The following ADCK1 variants were observed in gnomAD, a reference collection of about 807,000 sequenced individuals.
ADCK1 encodes aarF domain containing kinase 1, also known as aarF domain-containing protein kinase 1.
Under a neutral mutation model 52.3 loss-of-function variants are expected in ADCK1, and 41 were observed. The observed-to-expected ratio is 0.78, with a 90% CI of 0.61 to 1.02. ADCK1 has a LOEUF of 1.02. Ranked by LOEUF, ADCK1 falls within the 50% of genes least tolerant of loss-of-function variation. The pLI is 0.00. For synonymous variants in ADCK1, 250 were observed against 274.6 expected (o/e 0.91, Z 0.89); for missense variants, 658 against 679.5 (o/e 0.97, Z 0.35).
chr14:77,816,359 A>C (rs72688836), intron 1 of ADCK1, among the ~76,000 whole-genome samples: 12,330 of 152,208 alleles, frequency 0.081, 561 homozygotes, highest in Middle Eastern at 0.12. Flanking sequence ...TAGGAATCAG[A>C]ATCTCTTTCC....
At chr14:77,817,584 C>T (rs1366474150) in intron 1 of ADCK1, among the ~76,000 whole-genome samples, 1 of 152,202 alleles carries the variant, frequency 6.6e-6, no homozygotes, top group Non-Finnish European at 1.5e-5. Flanking sequence ...GGAAAGGTCA[C>T]ATTGACCAGG....
chr14:77,816,449 G>A (rs2081453213), intron 1 of ADCK1, among the ~76,000 whole-genome samples: 1 of 151,162 alleles, frequency 6.6e-6, no homozygotes, highest in Non-Finnish European at 1.5e-5. Flanking sequence ...CCTCCCTAGA[G>A]TAGGTTCTGC....
chr14:77,883,213 G>GA (rs556375586), intron 4 of ADCK1, among the ~76,000 whole-genome samples: 1 of 151,984 alleles, frequency 6.6e-6, no homozygotes, highest in African/African-American at 2.4e-5. Flanking sequence ...CAGAGCGGGG[G>GA]AAAAAAAGAA....
intron 4 of ADCK1, among the ~76,000 whole-genome samples, chr14:77,884,515 C>T (rs2083104708): frequency 6.6e-6 from 1 of 152,138 alleles, no homozygotes; most frequent in East Asian, 1.9e-4. Context: ...CTGCTGGGGC[C>T]TGAGAACACT....
intron 1 of ADCK1, among the ~76,000 whole-genome samples, chr14:77,801,859 T>A (rs2081117129): frequency 6.6e-6 from 1 of 152,048 alleles, no homozygotes. Flanking sequence ...GAGAACAGCT[T>A]GAACCCGGGA....
At chr14:77,889,904 A>AAG (rs1555356181) in intron 5 of ADCK1, among the ~76,000 whole-genome samples, 3 of 148,706 alleles carry the variant, frequency 2.0e-5, no homozygotes, top group Non-Finnish European at 4.5e-5. Context: ...AAAAAAAAAA[A>AAG]CAGAAGAAGA....
chr14:77,800,638 C>G (rs1485518796), intron 1 of ADCK1, among the ~76,000 whole-genome samples: 2 of 152,242 alleles, frequency 1.3e-5, no homozygotes, highest in Non-Finnish European at 2.9e-5. Context: ...CCCGGTCTTG[C>G]GAACGTGCCC....
chr14:77,879,032 T>C (rs2082961872), intron 4 of ADCK1, among the ~76,000 whole-genome samples: 1 of 152,018 alleles, frequency 6.6e-6, no homozygotes, highest in Non-Finnish European at 1.5e-5. Flanking sequence ...AACATTTCCG[T>C]AGAGTCCCTT....
At chr14:77,931,485 C>G (rs1409911988) in intron 9 of ADCK1, 33 bp from the exon 10 acceptor site, 1 of 1,600,472 alleles carries the variant, frequency 6.2e-7, no homozygotes, top group Non-Finnish European at 8.5e-7. Flanking sequence ...CCCATACCAA[C>G]CATCTGTTTC....
chr14:77,814,904 T>G (rs2140016372), intron 1 of ADCK1, among the ~76,000 whole-genome samples: 1 of 151,236 alleles, frequency 6.6e-6, no homozygotes, highest in Non-Finnish European at 1.5e-5. Flanking sequence ...AATTTTTTTT[T>G]TTTTGAGAAG....
intron 3 of ADCK1, among the ~76,000 whole-genome samples, chr14:77,826,100 A>G (rs934374999): frequency 6.6e-6 from 1 of 152,200 alleles, no homozygotes; most frequent in Non-Finnish European, 1.5e-5. Flanking sequence ...GCAGTAAGGA[A>G]AGTGCAGCCT....
intron 6 of ADCK1, among the ~76,000 whole-genome samples, chr14:77,905,670 A>G (rs2140252767): frequency 2.0e-5 from 3 of 151,582 alleles, no homozygotes; most frequent in Middle Eastern, 6.8e-3. Flanking sequence ...AACAACAGGC[A>G]GGGCACGGTG....
chr14:77,821,899 A>C (rs570570481), intron 2 of ADCK1, among the ~76,000 whole-genome samples: 63 of 151,516 alleles, frequency 4.2e-4, no homozygotes, highest in African/African-American at 1.5e-3. Flanking sequence ...CAGAAAAAAA[A>C]AAAAAAAAAA....
intron 1 of ADCK1, 137 bp from the exon 2 acceptor site, chr14:77,818,831 C>G (rs544716207): frequency 9.9e-7 from 1 of 1,005,854 alleles, no homozygotes; most frequent in Non-Finnish European, 1.4e-6. Flanking sequence ...GTTTTACAAA[C>G]GAAGAAACTA....
chr14:77,884,734 T>C (rs1380367950), intron 4 of ADCK1, among the ~76,000 whole-genome samples: 2 of 152,190 alleles, frequency 1.3e-5, no homozygotes, highest in African/African-American at 4.8e-5. Flanking sequence ...AGGCTTATAT[T>C]TTTATGTTCA....
chr14:77,818,893 G>A, intron 1 of ADCK1, 75 bp from the exon 2 acceptor site: 3 of 1,528,382 alleles, frequency 2.0e-6, no homozygotes, highest in Non-Finnish European at 2.7e-6. Context: ...TGGTAGAGCT[G>A]GGATTTGAAC....
chr14:77,876,943 A>G (rs1022355385), intron 4 of ADCK1, among the ~76,000 whole-genome samples: 11 of 152,222 alleles, frequency 7.2e-5, no homozygotes, highest in African/African-American at 7.2e-5. Flanking sequence ...GGCTGGGTGC[A>G]GTGGCTCACG....
rs2084405899 is a variant in ADCK1, at chr14:77,934,243, C to G, written c.*852C>G. On this transcript the variant is annotated 3_prime_UTR_variant, in exon 11 of 11. Coordinates refer to ENST00000238561, the MANE Select transcript of ADCK1 (RefSeq NM_020421.4). ...CCTGTAATCCTTCCAACCTGTGGGG[C>G]CACTTCCACTATGGGGCCACTTCCT... 6.6e-6 allele frequency: 1 copy of G among 151,904 alleles called. No individual in the cohort carries two copies. The highest frequency in any genetic ancestry group is 2.4e-5 in the African/African-American group (1 of 41,294). 9.4% of individuals were successfully genotyped at this position (151,904 alleles called of 1,614,324 possible). A position where few individuals can be genotyped will look rare whatever the true frequency, so the allele number is the denominator to read the frequency against.
chr14:77,814,011 G>A (rs146346106), intron 1 of ADCK1, among the ~76,000 whole-genome samples: 8,181 of 151,806 alleles, frequency 0.054, 299 homozygotes, highest in Middle Eastern at 0.085. Flanking sequence ...CAGGTGATCC[G>A]CCTGCCTCGG....
Sources: allele counts gnomAD v4.1 joint callset (sites outside exome capture counted in the v4.1 genomes callset), GRCh38; gene constraint gnomAD v4.1.1; transcripts MANE v1.5; gene names NCBI Gene and HGNC (gene_info 2026-07-23, HGNC 2026-07-21).